The following RTN4 variants were observed in gnomAD, a reference collection of about 807,000 sequenced individuals.
RTN4 encodes reticulon-4.
Under a neutral mutation model 90.4 loss-of-function variants are expected in RTN4, and 32 were observed. The observed-to-expected ratio is 0.35, with a 90% confidence interval of 0.27 to 0.48. RTN4 has a LOEUF of 0.48. Ranked by LOEUF, RTN4 falls within the 20% of genes least tolerant of loss-of-function variation. The pLI is 0.99. For missense variants in RTN4, 1,706 were observed against 1,430.2 expected (o/e 1.19, Z -3.11); for synonymous variants, 629 against 552.5 (o/e 1.14, Z -1.94).
chr2:55,107,112 C>T (rs1405034839), intron 1 of RTN4, among the ~76,000 whole-genome samples: 1 of 151,720 alleles, frequency 6.6e-6, no homozygotes, highest in African/African-American at 2.4e-5. Flanking sequence ...ATACATTTGT[C>T]TTAAGATATT....
chr2:55,015,579 T>C lies in RTN4; in HGVS notation c.3013+9507A>G, dbSNP rs149199355. Among the ~76,000 whole-genome samples, 276 of 152,040 alleles carry C rather than the reference T, an allele frequency of 1.8e-3. 2 individuals carry two copies. In the Middle Eastern group the frequency reaches 0.024, roughly 13 times the overall value. ...GGCAAAGAGTATGAACAAGCAAAAA[T>C]CACAGAAGAAATACAAACTGCCAAC... On this transcript the variant is annotated intron_variant, in intron 3 of 8. Coordinates refer to ENST00000337526, the MANE Select transcript of RTN4 (RefSeq NM_020532.5).
chr2:54,987,756 T>G, intron 3 of RTN4, 58 bp from the exon 4 acceptor site: 1 of 1,439,912 alleles, frequency 6.9e-7, no homozygotes, highest in Non-Finnish European at 9.6e-7. Context: ...TTGGATTTGC[T>G]CCATCTATGA....
At chr2:55,041,085 T>A (rs1233381346) in intron 1 of RTN4, among the ~76,000 whole-genome samples, 1 of 151,780 alleles carries the variant, frequency 6.6e-6, no homozygotes, top group Non-Finnish European at 1.5e-5. Context: ...ACACAATTTT[T>A]TTTTTTTTTT....
the RTN4 span, among the ~76,000 whole-genome samples, chr2:55,129,427 A>T: frequency 6.6e-6 from 1 of 152,002 alleles, no homozygotes; most frequent in African/African-American, 2.4e-5. Flanking sequence ...AAAAACTTTA[A>T]AAATTAGCTG....
chr2:55,050,606 G>A (rs199848073), upstream of RTN4: 12 of 259,850 alleles, frequency 4.6e-5, no homozygotes, highest in Admixed American at 2.7e-4. The surrounding 1 kb of genome is among the most constrained non-coding windows in gnomAD (Gnocchi z 4.6). Context: ...ACTGGCGCGG[G>A]AGGGAGAGAG....
chr2:55,068,678 AG>A (rs753135042), intron 2 of RTN4, among the ~76,000 whole-genome samples: 741 of 50,374 alleles, frequency 0.015, 3 homozygotes, highest in Middle Eastern at 0.043. Context: ...ACAAAAAAAA[AG>A]GGGGGGGGGT....
chr2:55,014,193 A>G (rs867137233), intron 3 of RTN4, among the ~76,000 whole-genome samples: 4 of 152,154 alleles, frequency 2.6e-5, no homozygotes, highest in African/African-American at 4.8e-5. Context: ...AACTGGAAAA[A>G]GATTTTAGTC....
the RTN4 span, among the ~76,000 whole-genome samples, chr2:55,118,458 C>T: frequency 1.3e-5 from 2 of 151,458 alleles, no homozygotes; most frequent in African/African-American, 2.4e-5. Flanking sequence ...GAGCAAGACC[C>T]TGTCTCAAAA....
intron 3 of RTN4, among the ~76,000 whole-genome samples, chr2:54,988,842 G>A (rs1242693879): frequency 1.3e-5 from 2 of 152,220 alleles, no homozygotes; most frequent in African/African-American, 4.8e-5. Flanking sequence ...AGGGGATCAA[G>A]TAAGCATAGC....
At chr2:55,037,469 T>G (rs772104296) in intron 1 of RTN4, among the ~76,000 whole-genome samples, 46 of 152,354 alleles carry the variant, frequency 3.0e-4, no homozygotes, top group Non-Finnish European at 5.9e-4. Flanking sequence ...TTAAGATTTC[T>G]GTCTATAATA....
chr2:55,069,584 C>G (rs1668450912), intron 2 of RTN4, among the ~76,000 whole-genome samples: 1 of 152,156 alleles, frequency 6.6e-6, no homozygotes, highest in African/African-American at 2.4e-5. Context: ...GAGTTAACTT[C>G]TAGGAAAATT....
rs1553429980 is a variant in RTN4 at position 54,973,028 on chromosome 2, T to TA, written c.*127dup. ...CCTCACAACAGTGCATGGCTAAAAA[T>TA]AAAGATCTAACAACGATCTGTGAAA... is the stretch of plus-strand genomic sequence containing the variant. On this transcript the variant is annotated 3_prime_UTR_variant, in exon 9 of 9. Coordinates refer to ENST00000337526, the MANE Select transcript of RTN4 (RefSeq NM_020532.5). The TA allele has an allele frequency of 2.8e-6, 2 of 705,218 alleles. No individual in the cohort carries two copies. The highest frequency in any genetic ancestry group is 2.1e-5 in the South Asian group (1 of 47,952). The allele number at this position is 705,218 out of a possible 1,614,324, so 43.7% of individuals were successfully genotyped here. A position where few individuals can be genotyped will look rare whatever the true frequency, so the allele number is the denominator to read the frequency against.
chr2:55,132,333 T>A, the RTN4 span, among the ~76,000 whole-genome samples: 1 of 151,876 alleles, frequency 6.6e-6, no homozygotes, highest in Non-Finnish European at 1.5e-5. Flanking sequence ...CGAAACCCCG[T>A]CTCTACTAAA....
At chr2:55,071,083 T>C (rs1668504462) in intron 2 of RTN4, among the ~76,000 whole-genome samples, 1 of 151,320 alleles carries the variant, frequency 6.6e-6, no homozygotes, top group South Asian at 2.1e-4. Flanking sequence ...GCCTTTTTTT[T>C]CTTCTTTTTT....
At chr2:55,107,132 C>A (rs1291225280) in intron 1 of RTN4, among the ~76,000 whole-genome samples, 2 of 151,256 alleles carry the variant, frequency 1.3e-5, no homozygotes, top group African/African-American at 2.4e-5. Flanking sequence ...TAATGAAACA[C>A]TTCAAAACAC....
the RTN4 span, among the ~76,000 whole-genome samples, chr2:55,137,700 C>T: frequency 6.6e-6 from 1 of 152,270 alleles, no homozygotes; most frequent in South Asian, 2.1e-4. Context: ...TGTCTTCTAC[C>T]AGCTCAGTCT....
intron 4 of RTN4, among the ~76,000 whole-genome samples, chr2:54,985,733 TCTC>T (rs1311276968): frequency 6.6e-6 from 1 of 152,098 alleles, no homozygotes; most frequent in African/African-American, 2.4e-5. Flanking sequence ...ATTCAGTAGG[TCTC>T]CTCTTTCAAA....
intron 1 of RTN4, among the ~76,000 whole-genome samples, chr2:55,036,235 G>A (rs901090309): frequency 1.3e-5 from 2 of 152,052 alleles, no homozygotes; most frequent in African/African-American, 4.8e-5. Flanking sequence ...ATTGAATCCA[G>A]CAACTCATAG....
Position 55,014,238 on chromosome 2 carries a change from A to C in RTN4, c.3013+10848T>G, listed in dbSNP as rs543662210. The stretch of plus-strand genomic sequence containing the variant: ...AATGACAGTACAAGTTAAAATAGCA[A>C]AACAACGAGCATTTTAAAGTCTATA... On this transcript the variant is annotated intron_variant, in intron 3 of 8. Coordinates refer to ENST00000337526, the MANE Select transcript of RTN4 (RefSeq NM_020532.5). Among the ~76,000 whole-genome samples the C allele has an allele frequency of 1.1e-4, 17 of 152,262 alleles. No individual in the cohort carries two copies. The South Asian group carries it at 3.3e-3, about 30-fold the overall frequency.
Sources: allele counts gnomAD v4.1 joint callset (sites outside exome capture counted in the v4.1 genomes callset), GRCh38; gene constraint gnomAD v4.1.1; non-coding constraint Gnocchi (gnomAD v3.1); transcripts MANE v1.5; gene names NCBI Gene and HGNC (gene_info 2026-07-23, HGNC 2026-07-21).